Variants in TBCK observed in about 807,000 individuals in gnomAD.
TBCK encodes the protein TBC1 domain containing kinase.
Under a neutral mutation model 113.4 loss-of-function variants are expected in TBCK, and 99 were observed. The ratio of observed to expected loss-of-function variants is 0.87; its 90% CI spans 0.74 to 1.03. The LOEUF is 1.03. Among genes scored for constraint, TBCK ranks in the 50% least tolerant of loss-of-function variants. The probability of loss-of-function intolerance (pLI) is 0.00; values close to 1 mark genes in which losing one functional copy is unlikely to be tolerated. For synonymous variants in TBCK, 369 were observed against 370.8 expected (o/e 1.00, Z 0.05); for missense variants, 1,045 against 1,061.3 (o/e 0.98, Z 0.21).
chr4:106,194,762 T>C lies in TBCK; in HGVS notation c.1861-8A>G, dbSNP rs1007553360. ...CCAAGGGATGGCATAGAGCTATGAG[T>C]GGAAAAAGGGGTACAGGGAATGGAT... On this transcript the variant is annotated splice_region_variant and splice_polypyrimidine_tract_variant and intron_variant, in intron 20 of 25. Transcript: ENST00000394708. 3.8e-6 allele frequency: 6 copies of C among 1,573,962 alleles called. No individual in the cohort carries two copies. The highest frequency in any genetic ancestry group is 3.4e-6 in the Non-Finnish European group (4 of 1,165,980).
rs879102830 is a variant in TBCK, at chr4:106,236,740, T to C, written c.1220+19A>G. 7.3e-7 allele frequency: 1 copy of C among 1,363,812 alleles called. No individual in the cohort carries two copies. Among genetic ancestry groups the C allele is most frequent in the Non-Finnish European group, 9.8e-7 (1 of 1,023,144 alleles). The allele number at this position is 1,363,812 out of a possible 1,614,324, so 84.5% of individuals were successfully genotyped here. On this transcript the variant is annotated intron_variant, in intron 13 of 25. Transcript: ENST00000394708. Reference sequence around the variant, plus strand: ...AATAGAAAGAAAAATAAATCTAAAATGAGACTACATATACTCACTCATCTT... The same window carrying C: ...AATAGAAAGAAAAATAAATCTAAAACGAGACTACATATACTCACTCATCTT...
chr4:106,099,484 A>G (rs1305934831), intron 24 of TBCK, among the ~76,000 whole-genome samples: 1 of 152,138 alleles, frequency 6.6e-6, no homozygotes, highest in African/African-American at 2.4e-5. Flanking sequence ...CCTTTAGTAT[A>G]TCAACAGCGA....
At chr4:106,088,894 C>T (rs963036279) in intron 25 of TBCK, among the ~76,000 whole-genome samples, 9 of 152,090 alleles carry the variant, frequency 5.9e-5, no homozygotes, top group Non-Finnish European at 1.2e-4. Flanking sequence ...CACATGGACA[C>T]AGAGAGGGGA....
chr4:106,197,211 T>C (rs899417695), intron 20 of TBCK, among the ~76,000 whole-genome samples: 2 of 151,780 alleles, frequency 1.3e-5, no homozygotes, highest in African/African-American at 4.8e-5. Flanking sequence ...GAGTAGGAAA[T>C]CTGGGGAGAT....
At chr4:106,124,214 A>G (rs1210877760) in intron 23 of TBCK, among the ~76,000 whole-genome samples, 2 of 152,240 alleles carry the variant, frequency 1.3e-5, no homozygotes, top group African/African-American at 4.8e-5. Flanking sequence ...ACTTCTCAAA[A>G]GAAGACATTT....
intron 22 of TBCK, among the ~76,000 whole-genome samples, chr4:106,184,005 A>T (rs1438888056): frequency 1.3e-5 from 2 of 152,044 alleles, no homozygotes; most frequent in East Asian, 3.9e-4. Flanking sequence ...TGCCAAGAGC[A>T]TTATAATTCT....
intron 6 of TBCK, 137 bp downstream of exon 6, chr4:106,251,729 G>T: frequency 2.7e-6 from 2 of 749,392 alleles, no homozygotes; most frequent in Non-Finnish European, 3.8e-6. Context: ...ACATGATTAA[G>T]TCAAATTAAG....
chr4:106,244,596 T>C lies in TBCK; in HGVS notation c.1070+30A>G, dbSNP rs927734748. 4 of 1,503,272 alleles carry C rather than the reference T, an allele frequency of 2.7e-6. No individual in the cohort carries two copies. The African/African-American group carries it at 5.8e-5, about 22-fold the overall frequency. 93.1% of individuals were successfully genotyped at this position (1,503,272 alleles called of 1,614,324 possible). A position where few individuals can be genotyped will look rare whatever the true frequency, so the allele number is the denominator to read the frequency against. ...AATTATTACCATGTATTTATTTATTTAAATTCCCAAGAGAAGTTTCTTTCC... is the reference window on the plus strand; with the variant it reads ...AATTATTACCATGTATTTATTTATTCAAATTCCCAAGAGAAGTTTCTTTCC... On this transcript the variant is annotated intron_variant, in intron 11 of 25. Transcript: ENST00000394708.
intron 24 of TBCK, among the ~76,000 whole-genome samples, chr4:106,103,090 T>G (rs535693678): frequency 6.6e-6 from 1 of 152,320 alleles, no homozygotes; most frequent in South Asian, 2.1e-4. Flanking sequence ...GGGAAATTTT[T>G]ATTAAAAAGA....
chr4:106,114,374 G>A (rs1450890764), intron 24 of TBCK, among the ~76,000 whole-genome samples: 1 of 152,232 alleles, frequency 6.6e-6, no homozygotes, highest in East Asian at 1.9e-4. Context: ...AGGTAAGTTA[G>A]TTTAACTTGG....
chr4:106,134,026 C>CA (rs546489016), intron 23 of TBCK, among the ~76,000 whole-genome samples: 1,199 of 118,574 alleles, frequency 0.01, 5 homozygotes, highest in Non-Finnish European at 0.014. Context: ...AAAACAAAAA[C>CA]AAAAAAAAAA....
chr4:106,214,255 A>G (rs973246049), intron 19 of TBCK, among the ~76,000 whole-genome samples: 1 of 152,166 alleles, frequency 6.6e-6, no homozygotes, highest in Non-Finnish European at 1.5e-5. Flanking sequence ...AGATAAAACC[A>G]CAAAGATGGG....
intron 25 of TBCK, among the ~76,000 whole-genome samples, chr4:106,087,322 T>G (rs764446959): frequency 2.6e-5 from 4 of 152,128 alleles, no homozygotes; most frequent in Admixed American, 6.5e-5. Flanking sequence ...ATGAGTGAAC[T>G]CCCATTGAAA....
chr4:106,093,350 C>T lies in TBCK; in HGVS notation c.2571+2132G>A, dbSNP rs541936050. On this transcript the variant is annotated intron_variant, in intron 25 of 25. Transcript: ENST00000394708. ...TGAAACCCCGTCTCTACTAAAAATA[C>T]GAAAAAATTAGCTGGGCGTGGTGGT... 2.0e-4 allele frequency among the ~76,000 whole-genome samples: 30 copies of T among 152,128 alleles called. No homozygotes were observed. In the South Asian group the frequency reaches 3.3e-3, roughly 17 times the overall value.
chr4:106,232,247 A>C (rs531170500), intron 17 of TBCK, among the ~76,000 whole-genome samples: 36 of 152,020 alleles, frequency 2.4e-4, no homozygotes, highest in African/African-American at 8.7e-4. Flanking sequence ...TAATAATGAT[A>C]TGCATGTATT....
chr4:106,252,544 CCTT>C (rs1761552884), intron 5 of TBCK, among the ~76,000 whole-genome samples: 1 of 152,038 alleles, frequency 6.6e-6, no homozygotes, highest in South Asian at 2.1e-4. Context: ...TTGCTATATA[CCTT>C]TTTTCCACTT....
intron 19 of TBCK, among the ~76,000 whole-genome samples, chr4:106,214,652 GA>G (rs1756633737): frequency 6.6e-6 from 1 of 152,082 alleles, no homozygotes; most frequent in Non-Finnish European, 1.5e-5. Context: ...AAGTGAGAAG[GA>G]AAGTTTAGAG....
chr4:106,242,206 A>C (rs1760222643), intron 12 of TBCK, among the ~76,000 whole-genome samples: 1 of 152,132 alleles, frequency 6.6e-6, no homozygotes, highest in African/African-American at 2.4e-5. Context: ...AAAATGTGAT[A>C]AAAGAAAGTG....
At position 106,042,252 on chromosome 4, in the gene TBCK, C is replaced by T. The variant is rs1296638188; in HGVS notation, c.*4318G>A. ...GTCAGCATGTATAACAATGGGATTA[C>T]TAGTTACAACTGATAGAATGAAATA... On this transcript the variant is annotated 3_prime_UTR_variant, in exon 26 of 26. Transcript: ENST00000394708. 6.6e-6 allele frequency: 1 copy of T among 152,316 alleles called. No homozygotes were observed. The highest frequency in any genetic ancestry group is 1.9e-4 in the East Asian group (1 of 5,190). 9.4% of individuals were successfully genotyped at this position (152,316 alleles called of 1,614,324 possible). A position where few individuals can be genotyped will look rare whatever the true frequency, so the allele number is the denominator to read the frequency against.
Sources: gnomAD v4.1 joint callset for allele counts (sites outside exome capture counted in the v4.1 genomes callset) on GRCh38, gnomAD v4.1.1 for gene constraint, MANE v1.5 for transcripts, NCBI Gene and HGNC (gene_info 2026-07-23, HGNC 2026-07-21) for gene names.